KPNB1: variants seen among roughly 807,000 people sequenced by gnomAD.
KPNB1 encodes the protein karyopherin subunit beta 1.
Under a neutral mutation model 113.0 loss-of-function variants are expected in KPNB1, and 7 were observed. The ratio of observed to expected loss-of-function variants is 0.06; its 90% CI spans 0.04 to 0.12. The LOEUF is 0.12. Among genes scored for constraint, KPNB1 ranks in the 10% least tolerant of loss-of-function variants. The pLI, the probability that KPNB1 is intolerant of heterozygous loss-of-function variation, is 1.00. For missense variants in KPNB1, 400 were observed against 1,054.8 expected (o/e 0.38, Z 8.60); for synonymous variants, 363 against 378.6 (o/e 0.96, Z 0.48).
chr17:47,669,613 TG>T (rs1268253491), intron 10 of KPNB1, 64 bp from the exon 11 acceptor site: 4 of 1,213,158 alleles, frequency 3.3e-6, no homozygotes, highest in Non-Finnish European at 4.7e-6. Flanking sequence ...TTTCTTTCTC[TG>T]GGGTAGTAGT....
chr17:47,655,991 C>T (rs1219865643), intron 3 of KPNB1, among the ~76,000 whole-genome samples: 2 of 152,188 alleles, frequency 1.3e-5, no homozygotes, highest in Admixed American at 6.5e-5. Context: ...CAGTGGCTCA[C>T]GCCTGTCATC....
At position 47,683,806 on chromosome 17, in the gene KPNB1, A is replaced by G. The variant is rs1344913495; in HGVS notation, c.*1402A>G. ...GAAAATGGCACTTGGAAAAGGTTTT[A>G]TTTTTCCACTGAAGTTGAAGGTTAA... On this transcript the variant is annotated 3_prime_UTR_variant, in exon 22 of 22. Transcript: ENST00000290158. 1.3e-5 allele frequency: 2 copies of G among 152,470 alleles called. No homozygotes were observed. Among genetic ancestry groups the G allele is most frequent in the Non-Finnish European group, 1.5e-5 (1 of 67,994 alleles). The allele number at this position is 152,470 out of a possible 1,614,324, so 9.4% of individuals were successfully genotyped here.
chr17:47,670,907 G>C, intron 12 of KPNB1, 75 bp downstream of exon 12: 1 of 1,290,196 alleles, frequency 7.8e-7, no homozygotes, highest in Non-Finnish European at 1.1e-6. Context: ...AGGATATCTA[G>C]CTTAATCATA....
At chr17:47,666,241 C>T (rs1477360156) in intron 9 of KPNB1, among the ~76,000 whole-genome samples, 3 of 151,466 alleles carry the variant, frequency 2.0e-5, no homozygotes, top group Admixed American at 1.3e-4. Context: ...TCAGTAGAAG[C>T]GGGGTTTTGC....
In KPNB1 at chr17:47,666,859, C is replaced by T. The variant is rs139333553; in HGVS notation, c.1000-1327C>T. On this transcript the variant is annotated intron_variant, in intron 9 of 21. Transcript: ENST00000290158. ...ATCTCGATTTTTTGACCTCATGATC[C>T]GCCCACCTCAGTCTCCCAAAGTGCT... Among the ~76,000 whole-genome samples the T allele has an allele frequency of 7.8e-4, 119 of 151,848 alleles. 1 individual carries two copies. The East Asian group carries it at 0.017, about 22-fold the overall frequency.
At chr17:47,681,920 G>C (rs550121302) in intron 21 of KPNB1, among the ~76,000 whole-genome samples, 1 of 152,104 alleles carries the variant, frequency 6.6e-6, no homozygotes, top group South Asian at 2.1e-4. Context: ...GAAGCCTCCA[G>C]CTCCTGGGCT....
intron 4 of KPNB1, 77 bp from the exon 5 acceptor site, chr17:47,658,431 G>A: frequency 1.4e-6 from 2 of 1,466,772 alleles, no homozygotes; most frequent in South Asian, 1.2e-5. Flanking sequence ...ATCCATAGTT[G>A]TTTGAATCCA....
Position 47,649,937 on chromosome 17 carries a change from T to A in KPNB1, c.-308T>A, listed in dbSNP as rs543541086. 3 of 1,282,802 alleles carry A rather than the reference T, an allele frequency of 2.3e-6. No homozygotes were observed. Among genetic ancestry groups the A allele is most frequent in the Middle Eastern group, 2.9e-4 (1 of 3,442 alleles). 79.5% of individuals were successfully genotyped at this position (1,282,802 alleles called of 1,614,324 possible). On this transcript the variant is annotated 5_prime_UTR_variant, in exon 1 of 22. Transcript: ENST00000290158. ...CCTCGCTCCCTCCCTGCGCGCCGCC[T>A]CTCACTCACAGCCTCCCTTCCTTCT...
intron 9 of KPNB1, among the ~76,000 whole-genome samples, chr17:47,665,922 T>C (rs2143130674): frequency 6.6e-6 from 1 of 152,342 alleles, no homozygotes; most frequent in African/African-American, 2.4e-5. Flanking sequence ...AGGAATGTAA[T>C]TGTTTTTAGG....
intron 5 of KPNB1, among the ~76,000 whole-genome samples, chr17:47,660,836 A>G (rs1000675490): frequency 6.6e-6 from 1 of 152,130 alleles, no homozygotes; most frequent in African/African-American, 2.4e-5. Flanking sequence ...TGTGACCTAC[A>G]TTTTTCTGTT....
At chr17:47,673,659 A>T (rs929931595) in intron 14 of KPNB1, 98 bp downstream of exon 14, 6 of 914,118 alleles carry the variant, frequency 6.6e-6, no homozygotes, top group Non-Finnish European at 1.1e-5. Flanking sequence ...AAAATGGTAT[A>T]GATGATGCGG....
intron 15 of KPNB1, 76 bp downstream of exon 15, chr17:47,674,858 C>T (rs2030548373): frequency 2.0e-6 from 3 of 1,480,930 alleles, no homozygotes; most frequent in East Asian, 4.6e-5. Context: ...TAATTGTCAC[C>T]CAGGCTGGAG....
intron 3 of KPNB1, among the ~76,000 whole-genome samples, chr17:47,654,474 C>T (rs2143090568): frequency 6.6e-6 from 1 of 151,212 alleles, no homozygotes; most frequent in Non-Finnish European, 1.5e-5. Context: ...AGCCCTCGGG[C>T]ATGAGAAAAA....
rs1555616862 is a variant in KPNB1 at position 47,650,554 on chromosome 17, G to GTCCCCC, written c.99+117_99+122dup. On this transcript the variant is annotated intron_variant, in intron 2 of 21. Coordinates refer to ENST00000290158, the MANE Select transcript of KPNB1 (RefSeq NM_002265.6). ...TCGGGAACCTACCCCGCCCCATCCCGTCCCCCTCCCCCCTCCCCCTCCCCC... is the reference window on the plus strand; with the variant it reads ...TCGGGAACCTACCCCGCCCCATCCCGTCCCCCTCCCCCTCCCCCCTCCCCCTCCCCC... 5,041 of 661,412 alleles carry GTCCCCC rather than the reference G, an allele frequency of 7.6e-3. 38 individuals carry two copies. Among genetic ancestry groups the GTCCCCC allele is most frequent in the Non-Finnish European group, 8.9e-3 (3,765 of 423,784 alleles). 41.0% of individuals were successfully genotyped at this position (661,412 alleles called of 1,614,324 possible).
chr17:47,662,807 G>A (rs943848920), intron 6 of KPNB1, among the ~76,000 whole-genome samples: 1 of 151,788 alleles, frequency 6.6e-6, no homozygotes, highest in Admixed American at 6.6e-5. Context: ...TGCTTGAATC[G>A]GGGAGGCAGA....
At position 47,673,384 on chromosome 17, in the gene KPNB1, T is replaced by G. The variant is rs865941507; in HGVS notation, c.1696-106T>G. On this transcript the variant is annotated intron_variant, in intron 13 of 21. Transcript: ENST00000290158. ...CACTATATGTATTATGGGTTTTTTG[T>G]TGCTGTTGTTTACTTTCCTATGTTA... 5 of 1,035,128 alleles carry G rather than the reference T, an allele frequency of 4.8e-6. No individual in the cohort carries two copies. In the Middle Eastern group the frequency reaches 6.3e-4, roughly 129 times the overall value. The allele number at this position is 1,035,128 out of a possible 1,614,324, so 64.1% of individuals were successfully genotyped here.
rs371662695 is a variant in KPNB1 at position 47,680,712 on chromosome 17, A to T, written c.2630+43A>T. 13 of 1,581,782 alleles carry T rather than the reference A, an allele frequency of 8.2e-6. No individual in the cohort carries two copies. The African/African-American group carries it at 1.6e-4, about 20-fold the overall frequency. On this transcript the variant is annotated intron_variant, in intron 21 of 21. Coordinates refer to ENST00000290158, the MANE Select transcript of KPNB1 (RefSeq NM_002265.6). ...CTGTCCTCTTTCTTCTACTTCCTGGAGGAGGGGGGTATGTTTTCTTTAGGC... is the reference window on the plus strand; with the variant it reads ...CTGTCCTCTTTCTTCTACTTCCTGGTGGAGGGGGGTATGTTTTCTTTAGGC...
rs1481033296 is a variant in KPNB1, at chr17:47,683,468, G to A, written c.*1064G>A. ...AAAACGCCCTCTCCTGACTTGTATT[G>A]TGGCAGTCTGAACGCCCCCAGAAAA... On this transcript the variant is annotated 3_prime_UTR_variant, in exon 22 of 22. Coordinates refer to ENST00000290158, the MANE Select transcript of KPNB1 (RefSeq NM_002265.6). 2 of 152,508 alleles carry A rather than the reference G, an allele frequency of 1.3e-5. No individual in the cohort carries two copies. The highest frequency in any genetic ancestry group is 2.4e-5 in the African/African-American group (1 of 41,412). 9.4% of individuals were successfully genotyped at this position (152,508 alleles called of 1,614,324 possible). A position where few individuals can be genotyped will look rare whatever the true frequency, so the allele number is the denominator to read the frequency against.
intron 15 of KPNB1, among the ~76,000 whole-genome samples, chr17:47,675,361 G>GTTTTTGTTTTTTTTTTTTTTTT (rs2030568124): frequency 1.0e-4 from 9 of 88,694 alleles, no homozygotes; most frequent in East Asian, 8.7e-4. Flanking sequence ...CAGAGGTGTT[G>GTTTTTGTTTTTTTTTTTTTTTT]TTTTTTTTTT....
Sources: allele counts gnomAD v4.1 joint callset (sites outside exome capture counted in the v4.1 genomes callset), GRCh38; gene constraint gnomAD v4.1.1; transcripts MANE v1.5; gene names NCBI Gene and HGNC (gene_info 2026-07-23, HGNC 2026-07-21).